Variants in SLC25A21 observed in about 807,000 individuals in gnomAD.
SLC25A21 encodes the protein solute carrier family 25 member 21.
A neutral mutation model predicts 43.8 loss-of-function variants in SLC25A21; 47 were observed. That is an observed-to-expected ratio of 1.07 (90% confidence interval 0.85 to 1.37). The LOEUF (loss-of-function observed/expected upper bound fraction) is 1.37. Ranked by LOEUF, SLC25A21 falls within the 40% of genes most tolerant of loss-of-function variation. The pLI is 0.00. For synonymous variants in SLC25A21, 131 were observed against 121.3 expected (o/e 1.08, Z -0.52); for missense variants, 352 against 350.2 (o/e 1.00, Z -0.04).
chr14:37,146,292 A>G (rs1213654326), intron 1 of SLC25A21, among the ~76,000 whole-genome samples: 2 of 152,130 alleles, frequency 1.3e-5, no homozygotes, highest in Non-Finnish European at 2.9e-5. Context: ...TGTGTGTGAC[A>G]GTATATACAG....
At chr14:36,815,128 A>G (rs1483504506) in intron 2 of SLC25A21, among the ~76,000 whole-genome samples, 1 of 152,210 alleles carries the variant, frequency 6.6e-6, no homozygotes, top group East Asian at 1.9e-4. Flanking sequence ...ACGAGAACAC[A>G]TGGACACAGG....
At chr14:37,090,968 T>C (rs1269209492) in intron 1 of SLC25A21, among the ~76,000 whole-genome samples, 13 of 152,190 alleles carry the variant, frequency 8.5e-5, no homozygotes, top group Admixed American at 5.9e-4. Context: ...TTTTCATCAA[T>C]TGATCAATAT....
Position 37,057,181 on chromosome 14 carries a change from C to T in SLC25A21, c.70+115100G>A, listed in dbSNP as rs576185611. 6.6e-5 allele frequency among the ~76,000 whole-genome samples: 10 copies of T among 152,282 alleles called. No individual in the cohort carries two copies. The South Asian group carries it at 1.9e-3, about 28-fold the overall frequency. ...GGCTACAATAATCTCTGTTTAGTCA[C>T]CAGCTCCCTAACTATTTTTAGCTTT... On this transcript the variant is annotated intron_variant, in intron 1 of 9. Coordinates refer to ENST00000331299, the MANE Select transcript of SLC25A21 (RefSeq NM_030631.4).
At chr14:36,794,794 T>C (rs899995934) in intron 3 of SLC25A21, among the ~76,000 whole-genome samples, 2 of 150,486 alleles carry the variant, frequency 1.3e-5, no homozygotes, top group African/African-American at 4.9e-5. Flanking sequence ...TCCTAGTAAA[T>C]AAGACTCTTC....
chr14:36,773,949 T>C (rs1170031015), intron 3 of SLC25A21, among the ~76,000 whole-genome samples: 1 of 152,188 alleles, frequency 6.6e-6, no homozygotes, highest in Non-Finnish European at 1.5e-5. Context: ...ACATGAGTTA[T>C]GTTTCATGTC....
intron 2 of SLC25A21, among the ~76,000 whole-genome samples, chr14:36,854,803 T>C (rs1395062642): frequency 3.9e-5 from 6 of 151,998 alleles, no homozygotes; most frequent in Non-Finnish European, 8.8e-5. Context: ...CTGGACTCGA[T>C]ATTATCAACA....
At chr14:37,105,260 C>T (rs1450941550) in intron 1 of SLC25A21, among the ~76,000 whole-genome samples, 1 of 152,186 alleles carries the variant, frequency 6.6e-6, no homozygotes, top group Admixed American at 6.5e-5. Flanking sequence ...TGAAGTCAAA[C>T]TCTGAAGCAT....
chr14:36,999,472 T>C (rs57724750), intron 1 of SLC25A21, among the ~76,000 whole-genome samples: 14,647 of 152,090 alleles, frequency 0.096, 740 homozygotes, highest in Admixed American at 0.12. Flanking sequence ...TCCAGACCCA[T>C]AGAATGTACA....
chr14:37,141,954 C>T (rs987192227), intron 1 of SLC25A21, among the ~76,000 whole-genome samples: 1 of 152,142 alleles, frequency 6.6e-6, no homozygotes, highest in African/African-American at 2.4e-5. Flanking sequence ...CCCAGAGGTT[C>T]TGATGTAGTC....
At chr14:36,791,320 T>C (rs986155234) in intron 3 of SLC25A21, among the ~76,000 whole-genome samples, 10 of 152,174 alleles carry the variant, frequency 6.6e-5, no homozygotes, top group African/African-American at 2.2e-4. Context: ...CAGTAATATT[T>C]TTATTCATTA....
chr14:37,147,179 C>T lies in SLC25A21; in HGVS notation c.70+25102G>A, dbSNP rs146703136. ...GACTCTTCTACTAATTGGGAACTCTCAAAATACTATTATAAAAAATAAAGA... is the reference window on the plus strand; with the variant it reads ...GACTCTTCTACTAATTGGGAACTCTTAAAATACTATTATAAAAAATAAAGA... On this transcript the variant is annotated intron_variant, in intron 1 of 9. Coordinates refer to ENST00000331299, the MANE Select transcript of SLC25A21 (RefSeq NM_030631.4). Among the ~76,000 whole-genome samples, 776 of 152,208 alleles carry T rather than the reference C, an allele frequency of 5.1e-3. 8 individuals carry two copies. The highest frequency in any genetic ancestry group is 0.018 in the African/African-American group (755 of 41,524).
chr14:37,089,868 T>G (rs1962552407), intron 1 of SLC25A21, among the ~76,000 whole-genome samples: 1 of 152,240 alleles, frequency 6.6e-6, no homozygotes, highest in Non-Finnish European at 1.5e-5. Context: ...AATTGCCCTT[T>G]AAAGTGACAT....
chr14:36,884,750 A>G (rs1594667242), intron 1 of SLC25A21, among the ~76,000 whole-genome samples: 5 of 152,020 alleles, frequency 3.3e-5, no homozygotes, highest in Admixed American at 3.3e-4. Context: ...ATTTTTCTAT[A>G]TGTCTGTTGG....
chr14:37,061,508 T>C (rs530669485), intron 1 of SLC25A21, among the ~76,000 whole-genome samples: 1 of 135,666 alleles, frequency 7.4e-6, no homozygotes, highest in South Asian at 2.1e-4. Context: ...CCAACATGAT[T>C]TTTTCCCCTC....
intron 1 of SLC25A21, among the ~76,000 whole-genome samples, chr14:37,096,813 T>C (rs1962703078): frequency 6.6e-6 from 1 of 152,134 alleles, no homozygotes. Flanking sequence ...AACAGCCATT[T>C]TGAATTACCC....
intron 3 of SLC25A21, among the ~76,000 whole-genome samples, chr14:36,766,687 A>T (rs573496932): frequency 6.6e-6 from 1 of 152,054 alleles, no homozygotes; most frequent in Non-Finnish European, 1.5e-5. Flanking sequence ...TTCTCCATGT[A>T]TCGACTCTCA....
At chr14:36,816,532 C>G (rs1465808734) in intron 2 of SLC25A21, among the ~76,000 whole-genome samples, 5 of 140,568 alleles carry the variant, frequency 3.6e-5, no homozygotes, top group Non-Finnish European at 7.6e-5. Flanking sequence ...GGGTCTTGCT[C>G]TGTCCCCAGG....
chr14:36,758,080 C>G (rs564693624), intron 3 of SLC25A21, among the ~76,000 whole-genome samples: 5 of 152,262 alleles, frequency 3.3e-5, no homozygotes, highest in African/African-American at 1.2e-4. Context: ...GCTCAGGGGC[C>G]CCAGAAAGCT....
At chr14:36,807,758 G>C (rs1198663162) in intron 3 of SLC25A21, among the ~76,000 whole-genome samples, 1 of 152,192 alleles carries the variant, frequency 6.6e-6, no homozygotes, top group Admixed American at 6.5e-5. Flanking sequence ...TTACTAAGTT[G>C]TAGAGCTGTG....
Sources: allele counts gnomAD v4.1 joint callset (sites outside exome capture counted in the v4.1 genomes callset), GRCh38; gene constraint gnomAD v4.1.1; transcripts MANE v1.5; gene names NCBI Gene and HGNC (gene_info 2026-07-23, HGNC 2026-07-21).